The following DOCK1 variants were observed in gnomAD, a reference collection of about 807,000 sequenced individuals.
DOCK1 encodes dedicator of cytokinesis 1, also known as dedicator of cytokinesis protein 1.
DOCK1 carries 138 observed loss-of-function variants against 262.7 expected under a neutral mutation model. That is an observed-to-expected ratio of 0.53 (90% CI 0.46 to 0.61). The LOEUF is 0.61. Ranked by LOEUF, DOCK1 falls within the 20% of genes least tolerant of loss-of-function variation. The pLI is 0.00. For missense variants in DOCK1, 1,908 were observed against 2,370.7 expected (o/e 0.80, Z 4.05); for synonymous variants, 866 against 867.4 (o/e 1.00, Z 0.03).
At position 127,175,989 on chromosome 10, in the gene DOCK1, A is replaced by G. The variant is rs1564871448; in HGVS notation, c.2847+48225A>G. 2.5e-6 allele frequency: 4 copies of G among 1,614,132 alleles called. No individual in the cohort carries two copies. Among genetic ancestry groups the G allele is most frequent in the Non-Finnish European group, 3.4e-6 (4 of 1,180,030 alleles). The stretch of plus-strand genomic sequence containing the variant: ...TAGAAACCCATTGTTTTGGCTTTTA[A>G]AGGGATCTGCAGCTGGGAGGCTTTT... On this transcript the variant is annotated intron_variant, in intron 27 of 51. Coordinates refer to ENST00000623213, the MANE Select transcript of DOCK1 (RefSeq NM_001290223.2). This position sits in a 1 kb window ranked among gnomAD's most constrained non-coding sequence, Gnocchi z 6.3.
At chr10:127,207,050 G>T (rs914004311) in intron 27 of DOCK1, among the ~76,000 whole-genome samples, 1 of 152,116 alleles carries the variant, frequency 6.6e-6, no homozygotes, top group African/African-American at 2.4e-5. Context: ...CCCAAAACCT[G>T]CCTGCACTTC....
At chr10:127,044,110 G>T (rs570197569) in intron 21 of DOCK1, among the ~76,000 whole-genome samples, 2 of 152,014 alleles carry the variant, frequency 1.3e-5, no homozygotes, top group African/African-American at 2.4e-5. Flanking sequence ...AGAACATCCC[G>T]CTTAGAATCA....
intron 23 of DOCK1, among the ~76,000 whole-genome samples, chr10:127,097,089 A>AGT (rs1420638422): frequency 1.1e-4 from 16 of 152,186 alleles, no homozygotes; most frequent in African/African-American, 3.9e-4. Flanking sequence ...TGGGCAACAG[A>AGT]GTGAGACTCT....
At chr10:127,384,719 G>A (rs530095524) in intron 37 of DOCK1, 71 bp from the exon 38 acceptor site, 36 of 1,453,288 alleles carry the variant, frequency 2.5e-5, no homozygotes, top group African/African-American at 2.3e-4. Flanking sequence ...TGTCCGATGC[G>A]AAGCTCACAC....
chr10:127,374,567 C>T (rs539108979), intron 35 of DOCK1, among the ~76,000 whole-genome samples: 13 of 152,198 alleles, frequency 8.5e-5, no homozygotes, highest in African/African-American at 3.1e-4. Context: ...TGAATGGTGG[C>T]CTCAAAGGTA....
At chr10:127,165,477 A>G (rs1183815205) in intron 27 of DOCK1, among the ~76,000 whole-genome samples, 2 of 152,078 alleles carry the variant, frequency 1.3e-5, no homozygotes, top group Non-Finnish European at 2.9e-5. Flanking sequence ...GATAGAAAAA[A>G]CTTTACTGCC....
intron 22 of DOCK1, among the ~76,000 whole-genome samples, chr10:127,060,525 G>A (rs1317237106): frequency 2.6e-5 from 4 of 152,102 alleles, no homozygotes; most frequent in Non-Finnish European, 4.4e-5. Context: ...AAGTTTTCAG[G>A]TATCGTATAT....
At chr10:127,261,771 GT>G (rs1241162031) in intron 29 of DOCK1, among the ~76,000 whole-genome samples, 1 of 134,530 alleles carries the variant, frequency 7.4e-6, no homozygotes, top group East Asian at 2.3e-4. Flanking sequence ...GCATGTGGGT[GT>G]GTGTGTGTGT....
At chr10:127,254,310 A>G (rs2059759506) in intron 28 of DOCK1, among the ~76,000 whole-genome samples, 3 of 152,130 alleles carry the variant, frequency 2.0e-5, no homozygotes, top group Non-Finnish European at 2.9e-5. Context: ...TTTGTAGACT[A>G]TCTCCCATTC....
intron 1 of DOCK1, among the ~76,000 whole-genome samples, chr10:126,933,161 T>C (rs2034308512): frequency 6.6e-6 from 1 of 152,106 alleles, no homozygotes; most frequent in Non-Finnish European, 1.5e-5. Flanking sequence ...TGTGGAGGTG[T>C]TGAGATTTGC....
chr10:127,282,774 T>A (rs1407463915), intron 29 of DOCK1, among the ~76,000 whole-genome samples: 1 of 152,244 alleles, frequency 6.6e-6, no homozygotes, highest in Non-Finnish European at 1.5e-5. Context: ...TCGTGAGACC[T>A]GAGAGCAAGC....
chr10:127,017,042 C>CACACACACACACAGATACAGACACCACAA (rs2041990431), intron 12 of DOCK1, among the ~76,000 whole-genome samples: 2 of 99,914 alleles, frequency 2.0e-5, no homozygotes, highest in Admixed American at 1.0e-4. Flanking sequence ...ATACCACACA[C>CACACACACACACAGATACAGACACCACAA]ACACACACAC....
At chr10:126,930,532 G>A (rs1337739996) in intron 1 of DOCK1, among the ~76,000 whole-genome samples, 3 of 152,114 alleles carry the variant, frequency 2.0e-5, no homozygotes, top group African/African-American at 2.4e-5. Context: ...CCTCTTGGCC[G>A]CTTTGCTGTT....
At chr10:126,970,662 C>A (rs2038033296) in intron 1 of DOCK1, 40 bp from the exon 2 acceptor site, 1 of 1,521,226 alleles carries the variant, frequency 6.6e-7, no homozygotes, top group African/African-American at 1.4e-5. Context: ...TCACTTCTAT[C>A]TTTACTATTA....
At position 127,154,023 on chromosome 10, in the gene DOCK1, C is replaced by T. The variant is rs2052774837; in HGVS notation, c.2847+26259C>T. 2.0e-5 allele frequency: 16 copies of T among 796,552 alleles called. No homozygotes were observed. The South Asian group carries it at 2.4e-4, about 12-fold the overall frequency. 49.3% of individuals were successfully genotyped at this position (796,552 alleles called of 1,614,324 possible). ...TCAAATGCCTTCCCAATGCCAAGCTCATCATGGTCATGGAAATTGATTAAT... is the reference window on the plus strand; with the variant it reads ...TCAAATGCCTTCCCAATGCCAAGCTTATCATGGTCATGGAAATTGATTAAT... On this transcript the variant is annotated intron_variant, in intron 27 of 51. Coordinates refer to ENST00000623213, the MANE Select transcript of DOCK1 (RefSeq NM_001290223.2).
At chr10:127,346,861 A>G (rs1209471344) in intron 31 of DOCK1, among the ~76,000 whole-genome samples, 1 of 152,216 alleles carries the variant, frequency 6.6e-6, no homozygotes, top group Non-Finnish European at 1.5e-5. Context: ...TTGTCTTTGC[A>G]AGACACTGGC....
chr10:127,430,353 T>C (rs1405391211), intron 47 of DOCK1, among the ~76,000 whole-genome samples: 1 of 152,218 alleles, frequency 6.6e-6, no homozygotes, highest in Non-Finnish European at 1.5e-5. Context: ...GGGTGTTGAC[T>C]GGGAGGTGGA....
At chr10:127,412,774 C>G (rs1436570801) in intron 43 of DOCK1, among the ~76,000 whole-genome samples, 3 of 152,226 alleles carry the variant, frequency 2.0e-5, no homozygotes, top group African/African-American at 7.2e-5. Context: ...CTCTTAAGAG[C>G]CATGGGGAAG....
At chr10:127,104,956 C>T (rs1467250344) in intron 23 of DOCK1, among the ~76,000 whole-genome samples, 1 of 152,132 alleles carries the variant, frequency 6.6e-6, no homozygotes, top group Non-Finnish European at 1.5e-5. Flanking sequence ...GGCTGTGTCC[C>T]CACCCAAATC....
Sources: allele counts gnomAD v4.1 joint callset (sites outside exome capture counted in the v4.1 genomes callset), GRCh38; gene constraint gnomAD v4.1.1; non-coding constraint Gnocchi (gnomAD v3.1); transcripts MANE v1.5; gene names NCBI Gene and HGNC (gene_info 2026-07-23, HGNC 2026-07-21).